Variants in BTNL8 observed in about 807,000 individuals in gnomAD.
The protein encoded by BTNL8 is butyrophilin like 8, also known as butyrophilin-like protein 8.
A neutral mutation model predicts 36.1 loss-of-function variants in BTNL8; 22 were observed. The ratio of observed to expected loss-of-function variants is 0.61; its 90% CI spans 0.44 to 0.87. The LOEUF (loss-of-function observed/expected upper bound fraction) is 0.87, where lower values mean the gene tolerates loss of function less well. Ranked by LOEUF, BTNL8 falls within the 40% of genes least tolerant of loss-of-function variation. The pLI is 0.00. For synonymous variants in BTNL8, 203 were observed against 235.6 expected, an observed-to-expected ratio of 0.86 and a Z score of 1.27; for missense variants, 526 against 616.9, an observed-to-expected ratio of 0.85 and a Z score of 1.56.
chr5:180,926,547 G>A (rs796943887), intron 3 of BTNL8, among the ~76,000 whole-genome samples: 3 of 152,294 alleles, frequency 2.0e-5, no homozygotes, highest in Admixed American at 6.5e-5. Flanking sequence ...CACCCCCATG[G>A]AGCCCAGCAA....
chr5:180,928,320 A>G (rs1758200230), intron 3 of BTNL8, among the ~76,000 whole-genome samples: 1 of 152,230 alleles, frequency 6.6e-6, no homozygotes, highest in Non-Finnish European at 1.5e-5. Context: ...GCCTTACAAG[A>G]GCTCCTGGAG....
At chr5:180,941,530 T>A (rs995717001) in intron 3 of BTNL8, among the ~76,000 whole-genome samples, 1 of 152,118 alleles carries the variant, frequency 6.6e-6, no homozygotes, top group Non-Finnish European at 1.5e-5. Flanking sequence ...ATTATGAACA[T>A]AGATGCAAAA....
At chr5:180,908,157 A>C (rs1000765442) in intron 1 of BTNL8, among the ~76,000 whole-genome samples, 1 of 152,150 alleles carries the variant, frequency 6.6e-6, no homozygotes, top group African/African-American at 2.4e-5. Context: ...GCTAGCAATC[A>C]GCGAGACTCT....
At chr5:180,916,047 A>G (rs1468955178) in intron 3 of BTNL8, among the ~76,000 whole-genome samples, 2 of 152,194 alleles carry the variant, frequency 1.3e-5, no homozygotes, top group African/African-American at 2.4e-5. Context: ...GAAGTCTAAG[A>G]TCAAGGGGTC....
At chr5:180,934,546 C>T (rs1758556322) in intron 3 of BTNL8, among the ~76,000 whole-genome samples, 6 of 152,208 alleles carry the variant, frequency 3.9e-5, no homozygotes, top group Admixed American at 3.3e-4. Context: ...TGTGCACAGC[C>T]AGGCATGCTG....
At chr5:180,938,373 T>C (rs1758755810) in intron 3 of BTNL8, among the ~76,000 whole-genome samples, 2 of 152,108 alleles carry the variant, frequency 1.3e-5, no homozygotes, top group Admixed American at 6.5e-5. Context: ...TTCCAAAATA[T>C]TCAACACAAA....
chr5:180,907,799 C>T (rs1381741284), intron 1 of BTNL8, among the ~76,000 whole-genome samples: 8 of 151,702 alleles, frequency 5.3e-5, no homozygotes, highest in Non-Finnish European at 1.2e-4. Flanking sequence ...CAGTGTGCCC[C>T]TGCTGGGGGG....
chr5:180,910,826 T>A (rs1011687308), intron 2 of BTNL8, among the ~76,000 whole-genome samples: 1 of 152,200 alleles, frequency 6.6e-6, no homozygotes, highest in South Asian at 2.1e-4. Flanking sequence ...CATAAAGCTG[T>A]GAAGCCTTTT....
In BTNL8 at chr5:180,947,508, T is replaced by C; in HGVS notation, c.674-4T>C. On this transcript the variant is annotated splice_polypyrimidine_tract_variant and splice_region_variant and intron_variant, in intron 3 of 7. Transcript: ENST00000340184. ...ACTAAAATGTCTGTGGGATTGTTTT[T>C]CAGATACCTTTTTCGAGCCTATATC... The C allele has an allele frequency of 6.2e-7, 1 of 1,612,788 alleles. No homozygotes were observed. The highest frequency in any genetic ancestry group is 8.5e-7 in the Non-Finnish European group (1 of 1,178,806).
At chr5:180,901,687 C>T (rs1250478789) in intron 1 of BTNL8, among the ~76,000 whole-genome samples, 1 of 151,888 alleles carries the variant, frequency 6.6e-6, no homozygotes, top group Non-Finnish European at 1.5e-5. Context: ...TGAAGCAAGA[C>T]AATGAAGAAA....
intron 1 of BTNL8, 94 bp downstream of exon 1, chr5:180,899,453 G>A (rs539169559): frequency 2.8e-5 from 39 of 1,411,840 alleles, no homozygotes; most frequent in South Asian, 1.4e-4. Context: ...CATCTTTGTC[G>A]TTTCCATTCC....
Position 180,902,607 on chromosome 5 carries a change from G to C in BTNL8, c.49+3248G>C, listed in dbSNP as rs545876303. 1.1e-4 allele frequency among the ~76,000 whole-genome samples: 17 copies of C among 150,544 alleles called. 1 individual carries two copies. The highest frequency in any genetic ancestry group is 1.6e-4 in the Non-Finnish European group (11 of 67,774). On this transcript the variant is annotated intron_variant, in intron 1 of 7. Coordinates refer to ENST00000340184, the MANE Select transcript of BTNL8 (RefSeq NM_001040462.3). ...AGTTACATATGTATACATGTGCCAT[G>C]CTGGTGCGCTGCACCCACTAACTCG...
Position 180,908,179 on chromosome 5 carries a change from A to G in BTNL8, c.50-407A>G, listed in dbSNP as rs376749126. 4.6e-5 allele frequency among the ~76,000 whole-genome samples: 7 copies of G among 150,544 alleles called. No homozygotes were observed. The East Asian group carries it at 1.4e-3, about 29-fold the overall frequency. On this transcript the variant is annotated intron_variant, in intron 1 of 7. Coordinates refer to ENST00000340184, the MANE Select transcript of BTNL8 (RefSeq NM_001040462.3). ...ATCAGCGAGACTCTGTGGTCATAGG[A>G]CCCTCTGAGCCAGGTGTGGGATATA...
chr5:180,947,647 G>A (rs1007047589), intron 4 of BTNL8, 22 bp downstream of exon 4: 4 of 1,614,174 alleles, frequency 2.5e-6, no homozygotes, highest in Non-Finnish European at 3.4e-6. Context: ...AGAGAAGCAT[G>A]GGCCGGTGCC....
chr5:180,919,938 A>T (rs1365273179), intron 3 of BTNL8, among the ~76,000 whole-genome samples: 1 of 152,196 alleles, frequency 6.6e-6, no homozygotes, highest in Non-Finnish European at 1.5e-5. Context: ...AATATTGCTT[A>T]ATGTTCATAC....
chr5:180,937,630 A>G (rs112655894), intron 3 of BTNL8, among the ~76,000 whole-genome samples: 2 of 152,166 alleles, frequency 1.3e-5, no homozygotes, highest in African/African-American at 4.8e-5. Flanking sequence ...CAAAACTAAC[A>G]GGTGGTTTAT....
chr5:180,908,247 A>G (rs1314056058), intron 1 of BTNL8, among the ~76,000 whole-genome samples: 6 of 152,110 alleles, frequency 3.9e-5, no homozygotes, highest in Admixed American at 2.6e-4. Context: ...GAAAAGCGCA[A>G]TATTCGGGTG....
intron 3 of BTNL8, among the ~76,000 whole-genome samples, chr5:180,933,456 G>C (rs1348509021): frequency 6.6e-6 from 1 of 152,124 alleles, no homozygotes; most frequent in African/African-American, 2.4e-5. Context: ...TATATTTTCA[G>C]ACCACAATGG....
Position 180,949,269 on chromosome 5 carries a change from C to T in BTNL8, c.862+4C>T. ...AGAGACGCCCGGAAACACGCAGGTA[C>T]CAACGCCTGAGAGGGTGACAGTGGG... On this transcript the variant is annotated splice_donor_region_variant and intron_variant, in intron 7 of 7. Coordinates refer to ENST00000340184, the MANE Select transcript of BTNL8 (RefSeq NM_001040462.3). 1 of 1,460,886 alleles carries T rather than the reference C, an allele frequency of 6.8e-7. No homozygotes were observed. Among genetic ancestry groups the T allele is most frequent in the Non-Finnish European group, 9.4e-7 (1 of 1,058,234 alleles). 90.5% of individuals were successfully genotyped at this position (1,460,886 alleles called of 1,614,324 possible). A position where few individuals can be genotyped will look rare whatever the true frequency, so the allele number is the denominator to read the frequency against.
Sources: gnomAD v4.1 joint callset for allele counts (sites outside exome capture counted in the v4.1 genomes callset) on GRCh38, gnomAD v4.1.1 for gene constraint, MANE v1.5 for transcripts, NCBI Gene and HGNC (gene_info 2026-07-23, HGNC 2026-07-21) for gene names.